Variants in JAKMIP3 observed in about 807,000 individuals in gnomAD.
JAKMIP3 encodes janus kinase and microtubule-interacting protein 3.
JAKMIP3 carries 58 observed loss-of-function variants against 118.5 expected under a neutral mutation model. That is an observed-to-expected ratio of 0.49 (90% CI 0.40 to 0.61). The LOEUF (loss-of-function observed/expected upper bound fraction) is 0.61. JAKMIP3 is among the 20% of genes least tolerant of loss of function. The pLI is 0.00. For synonymous variants in JAKMIP3, 486 were observed against 451.2 expected (o/e 1.08, Z -0.98); for missense variants, 950 against 1,109.0 (o/e 0.86, Z 2.04).
intron 1 of JAKMIP3, among the ~76,000 whole-genome samples, chr10:132,042,079 C>T (rs2037774262): frequency 6.6e-6 from 1 of 152,006 alleles, no homozygotes; most frequent in Non-Finnish European, 1.5e-5. Context: ...ATTGGCCAGG[C>T]TAGTCTTGAA....
At chr10:132,134,607 G>A (rs914879209) in intron 4 of JAKMIP3, among the ~76,000 whole-genome samples, 3 of 152,154 alleles carry the variant, frequency 2.0e-5, no homozygotes, top group African/African-American at 7.2e-5. Flanking sequence ...ATGCCGCCCC[G>A]TGGGGCAGGG....
At chr10:132,153,676 C>T in intron 17 of JAKMIP3, 83 bp from the exon 18 acceptor site, 2 of 1,335,308 alleles carry the variant, frequency 1.5e-6, no homozygotes, top group Non-Finnish European at 2.2e-6. Flanking sequence ...CCCAGGCTGT[C>T]CTGGCTTTTC....
At position 132,049,509 on chromosome 10, in the gene JAKMIP3, G is replaced by A. The variant is rs1335675194; in HGVS notation, c.-138+12771G>A. On this transcript the variant is annotated intron_variant, in intron 1 of 23. Coordinates refer to the JAKMIP3 transcript ENST00000657785. This position sits in a 1 kb window ranked among gnomAD's most constrained non-coding sequence, Gnocchi z 4.3. Reference sequence around the variant, plus strand: ...TTTGAGATGCTTTTTTTTTTCCTGAGTTCAATACATTCTTTTTTCATTTCT... The same window carrying A: ...TTTGAGATGCTTTTTTTTTTCCTGAATTCAATACATTCTTTTTTCATTTCT... 6.6e-6 allele frequency among the ~76,000 whole-genome samples: 1 copy of A among 151,184 alleles called. No individual in the cohort carries two copies. Among genetic ancestry groups the A allele is most frequent in the African/African-American group, 2.4e-5 (1 of 41,114 alleles).
At chr10:132,104,988 G>A in intron 2 of JAKMIP3, 45 bp downstream of exon 2, 1 of 1,554,502 alleles carries the variant, frequency 6.4e-7, no homozygotes, top group South Asian at 1.2e-5. Flanking sequence ...CCTCCCTCCT[G>A]CCTCCCCTGG....
At chr10:132,164,229 C>T (rs1279221407) in intron 20 of JAKMIP3, among the ~76,000 whole-genome samples, 1 of 152,222 alleles carries the variant, frequency 6.6e-6, no homozygotes, top group East Asian at 1.9e-4. Context: ...AACCCCTTTG[C>T]TGCCTCAGAG....
intron 7 of JAKMIP3, 36 bp downstream of exon 7, chr10:132,137,186 T>C: frequency 6.2e-7 from 1 of 1,613,924 alleles, no homozygotes; most frequent in Non-Finnish European, 8.5e-7. Context: ...CCCCGTCCTC[T>C]GGCTCCCAAG....
intron 11 of JAKMIP3, 31 bp downstream of exon 11, chr10:132,142,079 C>A: frequency 1.3e-6 from 2 of 1,569,754 alleles, no homozygotes; most frequent in East Asian, 2.3e-5. Flanking sequence ...GCGTTCCGGC[C>A]CCCCTCGTGC....
Position 132,179,693 on chromosome 10 carries a change from TCACACCACAGCAGGGC to T in JAKMIP3, c.*1104-2655_*1104-2640del, listed in dbSNP as rs1217741641. On this transcript the variant is annotated intron_variant, in intron 23 of 23. Transcript: ENST00000684848. The surrounding 1 kb of genome is among the most constrained non-coding windows in gnomAD (Gnocchi z 4.3). Reference sequence around the variant, plus strand: ...AGGATTCACAGGACTCAGCACACAGTCACACCACAGCAGGGCCACACCACGGCAGGGTCGCACCACA... The same window carrying T: ...AGGATTCACAGGACTCAGCACACAGTCACACCACGGCAGGGTCGCACCACA... Among the ~76,000 whole-genome samples the T allele has an allele frequency of 2.0e-5, 3 of 150,744 alleles. No homozygotes were observed. Among genetic ancestry groups the T allele is most frequent in the African/African-American group, 4.9e-5 (2 of 40,770 alleles).
intron 23 of JAKMIP3, among the ~76,000 whole-genome samples, chr10:132,173,758 C>G (rs775966675): frequency 5.0e-3 from 383 of 77,122 alleles, no homozygotes; most frequent in Middle Eastern, 0.027. Flanking sequence ...TGGTGTGTCT[C>G]TGGTGGTCTG....
At chr10:132,165,835 C>T (rs1290936712) in intron 21 of JAKMIP3, among the ~76,000 whole-genome samples, 2 of 152,250 alleles carry the variant, frequency 1.3e-5, no homozygotes, top group Non-Finnish European at 2.9e-5. Context: ...TTACTCAAGG[C>T]ACAGCCTTTG....
chr10:132,163,080 G>A (rs1264430259), intron 19 of JAKMIP3, 129 bp from the exon 20 acceptor site: 1 of 866,858 alleles, frequency 1.2e-6, no homozygotes, highest in Non-Finnish European at 1.7e-6. Flanking sequence ...CACAGCACTG[G>A]GTCCCTCCCT....
intron 4 of JAKMIP3, 52 bp from the exon 5 acceptor site, chr10:132,134,989 C>T (rs565847221): frequency 1.3e-6 from 2 of 1,596,840 alleles, no homozygotes; most frequent in Non-Finnish European, 1.7e-6. Flanking sequence ...TTTGCAAAGG[C>T]TTCCCAGGCT....
intron 19 of JAKMIP3, among the ~76,000 whole-genome samples, chr10:132,161,832 G>A (rs1222303287): frequency 9.4e-6 from 1 of 106,014 alleles, no homozygotes; most frequent in Non-Finnish European, 1.9e-5. Flanking sequence ...CTCTTCTTGG[G>A]TGAAGCTAGG....
rs1315597519 is a variant in JAKMIP3, at chr10:132,139,408, ATG to A, written c.1345-1038_1345-1037del. Among the ~76,000 whole-genome samples the A allele has an allele frequency of 7.6e-5, 6 of 79,006 alleles. 1 individual carries two copies. The South Asian group carries it at 1.7e-3, about 22-fold the overall frequency. 51.8% of individuals were successfully genotyped at this position (79,006 alleles called of 152,430 possible). On this transcript the variant is annotated intron_variant, in intron 9 of 23. Coordinates refer to ENST00000684848, the MANE Select transcript of JAKMIP3 (RefSeq NM_001323087.2). ...TGAGTGTATGAGTATGTGAGTGTGT[ATG>A]TGTGAGTGTGTGTGTGTGTTTGTGT...
chr10:132,059,057 C>T (rs1189059625), intron 1 of JAKMIP3, among the ~76,000 whole-genome samples: 2 of 152,268 alleles, frequency 1.3e-5, no homozygotes, highest in Admixed American at 1.3e-4. Flanking sequence ...GTCTGTCTGA[C>T]TCTGAACAGC....
At chr10:132,134,103 C>G (rs932065186) in intron 4 of JAKMIP3, among the ~76,000 whole-genome samples, 1 of 152,212 alleles carries the variant, frequency 6.6e-6, no homozygotes, top group Non-Finnish European at 1.5e-5. Flanking sequence ...GAGCTCCACC[C>G]GCTTCCTTGC....
chr10:132,168,292 C>CA lies in JAKMIP3; in HGVS notation c.*363dup. 1 of 1,289,504 alleles carries CA rather than the reference C, an allele frequency of 7.8e-7. No individual in the cohort carries two copies. Among genetic ancestry groups the CA allele is most frequent in the Non-Finnish European group, 1.0e-6 (1 of 988,810 alleles). 79.9% of individuals were successfully genotyped at this position (1,289,504 alleles called of 1,614,324 possible). A position where few individuals can be genotyped will look rare whatever the true frequency, so the allele number is the denominator to read the frequency against. On this transcript the variant is annotated 3_prime_UTR_variant, in exon 23 of 24. Coordinates refer to ENST00000684848, the MANE Select transcript of JAKMIP3 (RefSeq NM_001323087.2). Reference sequence around the variant, plus strand: ...AGCAGGGGTGAGAACTGCTTCTGTGCAGAAGCACCAGCCGCGGGTCCCCTC... The same window carrying CA: ...AGCAGGGGTGAGAACTGCTTCTGTGCAAGAAGCACCAGCCGCGGGTCCCCTC...
chr10:132,138,781 G>A (rs2052460293), intron 9 of JAKMIP3, among the ~76,000 whole-genome samples: 1 of 152,112 alleles, frequency 6.6e-6, no homozygotes. Flanking sequence ...TCTGAGGACG[G>A]GCGGCTGAGG....
intron 1 of JAKMIP3, among the ~76,000 whole-genome samples, chr10:132,058,769 G>A (rs2038314200): frequency 6.6e-6 from 1 of 152,232 alleles, no homozygotes; most frequent in Non-Finnish European, 1.5e-5. Flanking sequence ...GACAGACGAG[G>A]GAGTCATATG....
Sources: gnomAD v4.1 joint callset for allele counts (sites outside exome capture counted in the v4.1 genomes callset) on GRCh38, gnomAD v4.1.1 for gene constraint, Gnocchi (gnomAD v3.1) non-coding constraint, MANE v1.5 for transcripts, NCBI Gene and HGNC (gene_info 2026-07-23, HGNC 2026-07-21) for gene names.